MACF1: variants seen among roughly 807,000 people sequenced by gnomAD.
The protein encoded by MACF1 is microtubule-actin cross-linking factor 1.
In MACF1, 193 loss-of-function variants were observed where a neutral mutation model predicts 854.8. The ratio of observed to expected loss-of-function variants is 0.23; its 90% confidence interval spans 0.20 to 0.25. MACF1 has a LOEUF of 0.25. MACF1 is among the 10% of genes least tolerant of loss of function. The probability of loss-of-function intolerance (pLI) is 1.00; values close to 1 mark genes in which losing one functional copy is unlikely to be tolerated. For synonymous variants in MACF1, 3,185 were observed against 3,226.7 expected (o/e 0.99, Z 0.44); for missense variants, 7,722 against 8,929.1 (o/e 0.86, Z 5.45).
intron 15 of MACF1, among the ~76,000 whole-genome samples, chr1:39,288,757 G>A (rs1215043112): frequency 1.3e-5 from 2 of 151,788 alleles, no homozygotes; most frequent in African/African-American, 2.4e-5. Flanking sequence ...GCACCACTGC[G>A]CTCCAGCCTG....
intron 47 of MACF1, among the ~76,000 whole-genome samples, chr1:39,359,918 C>T (rs1215950257): frequency 2.9e-5 from 4 of 137,008 alleles, no homozygotes; most frequent in East Asian, 4.7e-4. Context: ...ACCTGGGAGG[C>T]GGAGCTTGCA....
rs910356543 is a variant in MACF1, at chr1:39,390,833, T to C, written c.15816+2175T>C. ...AAATAGTTTTGTTTTATCAGCCGGG[T>C]GCGGTGGCTCACGCCTGTAATCCCA... On this transcript the variant is annotated intron_variant, in intron 58 of 100. Coordinates refer to ENST00000564288, the MANE Select transcript of MACF1 (RefSeq NM_001394062.1). 4.6e-5 allele frequency among the ~76,000 whole-genome samples: 7 copies of C among 152,078 alleles called. 1 individual carries two copies. The East Asian group carries it at 9.6e-4, about 21-fold the overall frequency.
chr1:39,393,871 AAGAG>A (rs796822146), intron 58 of MACF1, among the ~76,000 whole-genome samples: 6 of 144,558 alleles, frequency 4.2e-5, no homozygotes, highest in East Asian at 4.2e-4. Flanking sequence ...GAGAGAAAGA[AAGAG>A]AGAAAGAAAA....
intron 2 of MACF1, among the ~76,000 whole-genome samples, chr1:39,116,846 G>A (rs1381343664): frequency 6.6e-6 from 1 of 152,138 alleles, no homozygotes; most frequent in African/African-American, 2.4e-5. Flanking sequence ...CATGGATAGT[G>A]GAGGATTCAC....
rs763669348 is a variant in MACF1 at position 39,443,569 on chromosome 1, C to T, written c.19426C>T (p.His6476Tyr). The change falls in exon 79 of 101, where the codon CAT becomes TAT. Residue 6476 changes from histidine to tyrosine, a missense_variant. Coordinates refer to ENST00000564288, the MANE Select transcript of MACF1 (RefSeq NM_001394062.1). ...AACTGCTAGGGAACAGCTTGATACA[C>T]ATATGGTAATAGCAATTTTTTGAAA... ...PETAREQLDT[H>Y]MELYSQLKAK... 1.3e-6 allele frequency: 2 copies of T among 1,595,046 alleles called. No homozygotes were observed. The highest frequency in any genetic ancestry group is 8.5e-7 in the Non-Finnish European group (1 of 1,174,826).
intron 23 of MACF1, chr1:39,304,639 C>T: frequency 1.9e-6 from 1 of 514,582 alleles, no homozygotes; most frequent in Non-Finnish European, 3.5e-6. Flanking sequence ...TTTCAGCTCA[C>T]TGCAAGCTCC....
At chr1:39,353,412 A>G (rs1013807825) in intron 44 of MACF1, among the ~76,000 whole-genome samples, 181 bp downstream of exon 44, 1 of 152,104 alleles carries the variant, frequency 6.6e-6, no homozygotes, top group African/African-American at 2.4e-5. Flanking sequence ...TGGTTTCCAT[A>G]ATACTACTCT....
At chr1:39,383,352 C>T (rs987609618) in intron 56 of MACF1, among the ~76,000 whole-genome samples, 1 of 152,014 alleles carries the variant, frequency 6.6e-6, no homozygotes, top group Non-Finnish European at 1.5e-5. Context: ...TTTTCTAATC[C>T]GGGATTTTCA....
intron 97 of MACF1, among the ~76,000 whole-genome samples, chr1:39,473,632 T>G (rs1389523746): frequency 6.6e-6 from 1 of 152,194 alleles, no homozygotes; most frequent in Non-Finnish European, 1.5e-5. Context: ...CGTGAAATAA[T>G]GAGCACTTCT....
At chr1:39,193,318 A>C (rs1372829301) in intron 2 of MACF1, among the ~76,000 whole-genome samples, 1 of 151,944 alleles carries the variant, frequency 6.6e-6, no homozygotes, top group Non-Finnish European at 1.5e-5. Context: ...CCAGAGAGAG[A>C]GATTACTTAA....
Position 39,439,492 on chromosome 1 carries a change from G to A in MACF1, c.18439G>A (p.Ala6147Thr). The A allele has an allele frequency of 1.2e-6, 2 of 1,613,692 alleles. No homozygotes were observed. Among genetic ancestry groups the A allele is most frequent in the Non-Finnish European group, 1.7e-6 (2 of 1,179,606 alleles). ...TTCCATCATCAAACAACAGGTTGAAGCTGCTGAGGTAAGAAGGAAACAAAA... is the reference window on the plus strand; with the variant it reads ...TTCCATCATCAAACAACAGGTTGAAACTGCTGAGGTAAGAAGGAAACAAAA... ...DPSIIKQQVE[A>T]AETIKEETDG... Residue 6147 changes from alanine (A) to threonine (T), a missense_variant, in exon 72 of 101, where the codon GCT becomes ACT. Physicochemically the swap from Ala to Thr is moderately conservative, Grantham distance 58. Transcript: ENST00000564288.
chr1:39,415,822 T>C (rs2148624387), intron 58 of MACF1, among the ~76,000 whole-genome samples: 1 of 151,944 alleles, frequency 6.6e-6, no homozygotes, highest in Middle Eastern at 3.4e-3. Context: ...AGTGCAGGAG[T>C]TAGAGGTTTA....
At position 39,357,821 on chromosome 1, in the gene MACF1, A is replaced by T. The variant is rs1247151710; in HGVS notation, c.11871A>T (p.Pro3957=). ...MENSFKEGKE[P]SEIGNLVKDK... ...ACAGTTTTAAGGAAGGCAAAGAACCATCAGAAATTGGAAACTTAGTAAAGG... is the reference window on the plus strand; with the variant it reads ...ACAGTTTTAAGGAAGGCAAAGAACCTTCAGAAATTGGAAACTTAGTAAAGG... The change falls in exon 45 of 101, where the codon CCA becomes CCT. Residue 3957 remains proline (P), a synonymous_variant. Coordinates refer to ENST00000564288, the MANE Select transcript of MACF1 (RefSeq NM_001394062.1). 2.5e-6 allele frequency: 4 copies of T among 1,614,168 alleles called. No individual in the cohort carries two copies. The East Asian group carries it at 8.9e-5, about 36-fold the overall frequency.
At chr1:39,201,758 C>A (rs1157827567), upstream of MACF1, among the ~76,000 whole-genome samples, 1 of 152,110 alleles carries the variant, frequency 6.6e-6, no homozygotes, top group East Asian at 1.9e-4. Flanking sequence ...TTACAATGAT[C>A]TGTACAGCCA....
At chr1:39,232,973 G>A (rs114373567) in intron 2 of MACF1, among the ~76,000 whole-genome samples, 2,528 of 151,516 alleles carry the variant, frequency 0.017, 75 homozygotes, top group African/African-American at 0.059. Flanking sequence ...TTGTAGAGAT[G>A]GGTTCTCACT....
chr1:39,213,419 C>T (rs898600114), intron 1 of MACF1, among the ~76,000 whole-genome samples: 1 of 152,154 alleles, frequency 6.6e-6, no homozygotes, highest in African/African-American at 2.4e-5. Context: ...GCAACTTCTA[C>T]CTCCCGGGTT....
chr1:39,428,169 T>C lies in MACF1; in HGVS notation c.16685T>C (p.Phe5562Ser), dbSNP rs757188689. 5.6e-6 allele frequency: 9 copies of C among 1,614,050 alleles called. No individual in the cohort carries two copies. The East Asian group carries it at 2.0e-4, about 36-fold the overall frequency. Residue 5562 changes from phenylalanine to serine, a missense_variant, in exon 63 of 101, where the codon TTT becomes TCT. Around this residue, in one of 15 missense-constraint regions of MACF1, gnomAD observed 2,807 missense variants for 3,235.8 expected, o/e 0.87. Coordinates refer to ENST00000564288, the MANE Select transcript of MACF1 (RefSeq NM_001394062.1). The stretch of plus-strand genomic sequence containing the variant: ...CAAGCTCTGTCTAATGCTAGGCTGT[T>C]TGGGGAGGATGAGGTGGAGGTGCTC... ...LDQALSNARL[F>S]GEDEVEVLNW...
intron 1 of MACF1, among the ~76,000 whole-genome samples, chr1:39,220,988 C>CT (rs2148290421): frequency 1.3e-5 from 2 of 152,218 alleles, no homozygotes; most frequent in African/African-American, 4.8e-5. Context: ...TTCAGCTGGA[C>CT]TTTGAAAGGA....
chr1:39,259,196 T>G (rs1257997795), intron 6 of MACF1, among the ~76,000 whole-genome samples: 2 of 152,190 alleles, frequency 1.3e-5, no homozygotes, highest in African/African-American at 4.8e-5. Context: ...TCACTGTGAG[T>G]GCCCAATGTT....
Sources: allele counts gnomAD v4.1 joint callset (sites outside exome capture counted in the v4.1 genomes callset), GRCh38; gene constraint gnomAD v4.1.1; regional missense constraint gnomAD v4.1.1; transcripts MANE v1.5; gene names NCBI Gene and HGNC (gene_info 2026-07-23, HGNC 2026-07-21).